The following TREH variants were observed in gnomAD, a reference collection of about 807,000 sequenced individuals.
TREH encodes the protein alpha,alpha-trehalose glucohydrolase.
TREH carries 69 observed loss-of-function variants against 80.5 expected under a neutral mutation model. The ratio of observed to expected loss-of-function variants is 0.86; its 90% CI spans 0.71 to 1.05. The LOEUF (loss-of-function observed/expected upper bound fraction) is 1.05, where lower values mean the gene tolerates loss of function less well. Ranked by LOEUF, TREH falls within the 50% of genes least tolerant of loss-of-function variation. The pLI, the probability that TREH is intolerant of heterozygous loss-of-function variation, is 0.00. For synonymous variants in TREH, 309 were observed against 293.5 expected (o/e 1.05, Z -0.54); for missense variants, 716 against 718.8 (o/e 1.00, Z 0.04).
intron 1 of TREH, among the ~76,000 whole-genome samples, chr11:118,668,958 T>TA (rs1476844255): frequency 2.6e-5 from 4 of 151,826 alleles, no homozygotes; most frequent in Admixed American, 2.0e-4. Context: ...AAAACTCTAT[T>TA]AAAAAAACTA....
chr11:118,659,777 G>T lies in TREH; in HGVS notation c.1290C>A (p.Gly430=). 6.3e-7 allele frequency: 1 copy of T among 1,583,684 alleles called. No individual in the cohort carries two copies. Among genetic ancestry groups the T allele is most frequent in the South Asian group, 1.2e-5 (1 of 86,618 alleles). Residue 430 remains glycine (G), a synonymous_variant, in exon 11 of 15, where the codon GGC becomes GGA. Coordinates refer to ENST00000264029, the MANE Select transcript of TREH (RefSeq NM_007180.3). Reference sequence around the variant, plus strand: ...GGTATTTCAGAGCCTTGTCCGCCACGCCAGGGTCAGAGAAACACCCGGCCC... The same window carrying T: ...GGTATTTCAGAGCCTTGTCCGCCACTCCAGGGTCAGAGAAACACCCGGCCC... ...PLWAGCFSDP[G]VADKALKYLE...
chr11:118,662,683 G>A (rs556167761), intron 4 of TREH, 198 bp downstream of exon 4: 33 of 609,090 alleles, frequency 5.4e-5, no homozygotes, highest in African/African-American at 2.4e-4. Context: ...TGGAGGAGGC[G>A]AGATGTTAGA....
Position 118,661,875 on chromosome 11 carries a change from G to T in TREH, c.524+15C>A. 6.4e-7 allele frequency: 1 copy of T among 1,561,610 alleles called. No individual in the cohort carries two copies. Among genetic ancestry groups the T allele is most frequent in the Non-Finnish European group, 8.7e-7 (1 of 1,152,842 alleles). On this transcript the variant is annotated intron_variant, in intron 5 of 14. Coordinates refer to ENST00000264029, the MANE Select transcript of TREH (RefSeq NM_007180.3). This position sits in a 1 kb window ranked among gnomAD's most constrained non-coding sequence, Gnocchi z 4.2. Reference sequence around the variant, plus strand: ...GTCCTGCAGGCCCCTTGGTCTCTTGGGCCTGGGCGCTCACCAGTAGTAGAA... The same window carrying T: ...GTCCTGCAGGCCCCTTGGTCTCTTGTGCCTGGGCGCTCACCAGTAGTAGAA...
At chr11:118,669,587 C>T (rs1424812764) in intron 1 of TREH, among the ~76,000 whole-genome samples, 6 of 152,076 alleles carry the variant, frequency 3.9e-5, no homozygotes, top group African/African-American at 1.4e-4. Context: ...GTGAAATAAG[C>T]CAGACGCAGA....
chr11:118,666,281 G>A (rs1555145684), intron 1 of TREH, among the ~76,000 whole-genome samples: 17 of 152,210 alleles, frequency 1.1e-4, no homozygotes, highest in Non-Finnish European at 1.5e-5. Flanking sequence ...AGACATAGTA[G>A]CTGAGGGTAA....
intron 4 of TREH, chr11:118,662,599 G>T (rs570400079): frequency 6.9e-5 from 32 of 460,530 alleles, no homozygotes; most frequent in Admixed American, 1.4e-4. Context: ...ACCCAGTGGT[G>T]CCAGAGGCAG....
chr11:118,676,877 A>G (rs1949486030), intron 1 of TREH, among the ~76,000 whole-genome samples: 1 of 152,134 alleles, frequency 6.6e-6, no homozygotes. Flanking sequence ...CTTAGAGGTT[A>G]CTTTGGAGGA....
chr11:118,663,747 G>T (rs1301644703), intron 1 of TREH, among the ~76,000 whole-genome samples: 1 of 152,124 alleles, frequency 6.6e-6, no homozygotes, highest in Non-Finnish European at 1.5e-5. Flanking sequence ...TAATCATACT[G>T]GTGTGGCCAA....
intron 1 of TREH, among the ~76,000 whole-genome samples, chr11:118,667,585 C>T (rs782379703): frequency 4.7e-4 from 72 of 152,170 alleles, no homozygotes; most frequent in Middle Eastern, 3.2e-3. Flanking sequence ...CATACTGAGA[C>T]AAGGAAGGCT....
At position 118,658,860 on chromosome 11, in the gene TREH, CACTGGG is replaced by C. The variant is rs782523366; in HGVS notation, c.1545+39_1545+44del. The stretch of plus-strand genomic sequence containing the variant: ...AGCCCCTGCAGTGCTCAGGAGTGGC[CACTGGG>C]ACAGCCTGGGGGTGCAGGGAGGGCT... On this transcript the variant is annotated intron_variant, in intron 13 of 14. Coordinates refer to ENST00000264029, the MANE Select transcript of TREH (RefSeq NM_007180.3). 8 of 1,610,124 alleles carry C rather than the reference CACTGGG, an allele frequency of 5.0e-6. No homozygotes were observed. In the South Asian group the frequency reaches 8.8e-5, roughly 18 times the overall value.
At chr11:118,675,157 T>C (rs1382079608) in intron 1 of TREH, among the ~76,000 whole-genome samples, 1 of 152,200 alleles carries the variant, frequency 6.6e-6, no homozygotes, top group Non-Finnish European at 1.5e-5. Context: ...ACACCATGGG[T>C]GACCCTGTAT....
At chr11:118,659,561 GC>G in intron 11 of TREH, 80 bp from the exon 12 acceptor site, 1 of 1,395,328 alleles carries the variant, frequency 7.2e-7, no homozygotes, top group Non-Finnish European at 9.6e-7. Flanking sequence ...CCCGCGGGAA[GC>G]CAGACGTCCC....
chr11:118,676,949 T>C (rs184266272), intron 1 of TREH, among the ~76,000 whole-genome samples: 152 of 152,244 alleles, frequency 1.0e-3, no homozygotes, highest in African/African-American at 3.5e-3. Context: ...CATGAAAGGA[T>C]TGACTCAGCA....
In TREH at chr11:118,661,419, A is replaced by T; in HGVS notation, c.708T>A (p.Thr236=). 1 of 1,613,926 alleles carries T rather than the reference A, an allele frequency of 6.2e-7. No homozygotes were observed. Among genetic ancestry groups the T allele is most frequent in the South Asian group, 1.1e-5 (1 of 91,082 alleles). Residue 236 remains threonine, a synonymous_variant, in exon 7 of 15, where the codon ACT becomes ACA. Transcript: ENST00000264029. This position sits in a 1 kb window ranked among gnomAD's most constrained non-coding sequence, Gnocchi z 4.2. Reference sequence around the variant, plus strand: ...GTAGAAAGGCGGTGTCATTGGTGTGAGTCAAGTAGCAATCCATCATGAGGG... The same window carrying T: ...GTAGAAAGGCGGTGTCATTGGTGTGTGTCAAGTAGCAATCCATCATGAGGG... ...LLTLMMDCYL[T]HTNDTAFLQE...
intron 4 of TREH, 141 bp downstream of exon 4, chr11:118,662,740 C>G: frequency 1.1e-6 from 1 of 897,816 alleles, no homozygotes; most frequent in Non-Finnish European, 1.7e-6. Flanking sequence ...TAGAGGGCCT[C>G]TATTTGGGGA....
chr11:118,658,941 A>G lies in TREH; in HGVS notation c.1509T>C (p.Phe503=). ...TGGCTGACTTCTGCGAGTAGACATCAAAATTGGTTCGGATCCAATTCTGAG... is the reference window on the plus strand; with the variant it reads ...TGGCTGACTTCTGCGAGTAGACATCGAAATTGGTTCGGATCCAATTCTGAG... ...QLAQNWIRTN[F]DVYSQKSAMY... The change falls in exon 13 of 15, where the codon TTT becomes TTC. Residue 503 remains phenylalanine (F), a synonymous_variant. Coordinates refer to ENST00000264029, the MANE Select transcript of TREH (RefSeq NM_007180.3). The G allele has an allele frequency of 6.2e-7, 1 of 1,613,940 alleles. No individual in the cohort carries two copies. Among genetic ancestry groups the G allele is most frequent in the Non-Finnish European group, 8.5e-7 (1 of 1,179,868 alleles).
chr11:118,677,093 G>A (rs923478789), intron 1 of TREH, among the ~76,000 whole-genome samples: 1 of 152,190 alleles, frequency 6.6e-6, no homozygotes, highest in Non-Finnish European at 1.5e-5. Context: ...GGCCATGCCA[G>A]ATATTTGATG....
intron 10 of TREH, among the ~76,000 whole-genome samples, 162 bp downstream of exon 10, chr11:118,660,377 C>T (rs1206784779): frequency 1.3e-5 from 2 of 152,158 alleles, no homozygotes; most frequent in African/African-American, 4.8e-5. Context: ...CGTTTGTTCT[C>T]TTGTCTGGTA....
chr11:118,672,572 G>A (rs927939277), intron 1 of TREH, among the ~76,000 whole-genome samples: 3 of 151,660 alleles, frequency 2.0e-5, no homozygotes, highest in Non-Finnish European at 4.4e-5. Flanking sequence ...TTAGCTGGGC[G>A]TGGTGGTGCA....
Sources: allele counts gnomAD v4.1 joint callset (sites outside exome capture counted in the v4.1 genomes callset), GRCh38; gene constraint gnomAD v4.1.1; non-coding constraint Gnocchi (gnomAD v3.1); transcripts MANE v1.5; gene names NCBI Gene and HGNC (gene_info 2026-07-23, HGNC 2026-07-21).